POU6F2: variants seen among roughly 807,000 people sequenced by gnomAD.
POU6F2 encodes POU class 6 homeobox 2, also known as POU domain, class 6, transcription factor 2.
A neutral mutation model predicts 71.3 loss-of-function variants in POU6F2; 31 were observed. The observed-to-expected ratio is 0.43, with a 90% CI of 0.33 to 0.59. POU6F2 has a LOEUF of 0.59. Among genes scored for constraint, POU6F2 ranks in the 20% least tolerant of loss-of-function variants. POU6F2 has a pLI of 0.04. For synonymous variants in POU6F2, 347 were observed against 355.7 expected (o/e 0.98, Z 0.27); for missense variants, 783 against 856.8 (o/e 0.91, Z 1.07).
At chr7:39,023,818 C>T (rs1399571068) in intron 1 of POU6F2, among the ~76,000 whole-genome samples, 9 of 152,024 alleles carry the variant, frequency 5.9e-5, no homozygotes, top group Non-Finnish European at 1.0e-4. Context: ...AGTAGGCATT[C>T]TCTGCACTTT....
chr7:39,464,604 CAATTA>C lies in POU6F2; in HGVS notation c.2084_2088del (p.Ile695ThrfsTer40). 6.2e-7 allele frequency: 1 copy of C among 1,610,958 alleles called. No individual in the cohort carries two copies. The highest frequency in any genetic ancestry group is 8.5e-7 in the Non-Finnish European group (1 of 1,178,632). Reference sequence around the variant, plus strand: ...AATAAGAGGCAAGCCCTGAAGAACACAATTAAACGCTTAAAACAGCACGAGCCGGC... The same window carrying C: ...AATAAGAGGCAAGCCCTGAAGAACACAACGCTTAAAACAGCACGAGCCGGC... On this transcript the variant is annotated frameshift_variant, in exon 10 of 10. Transcript: ENST00000518318. LOFTEE classifies it high-confidence loss of function. The surrounding 1 kb of genome is among the most constrained non-coding windows in gnomAD (Gnocchi z 4.1).
intron 1 of POU6F2, among the ~76,000 whole-genome samples, chr7:39,015,158 A>G (rs1789437458): frequency 6.6e-6 from 1 of 150,436 alleles, no homozygotes; most frequent in Non-Finnish European, 1.5e-5. Flanking sequence ...TCTTATTCTT[A>G]GAATTTATTT....
intron 1 of POU6F2, among the ~76,000 whole-genome samples, chr7:39,069,764 ATT>A (rs1483130008): frequency 3.3e-5 from 5 of 152,232 alleles, no homozygotes; most frequent in African/African-American, 1.2e-4. Flanking sequence ...TTTGCTATTT[ATT>A]AAGTACAGGT....
In POU6F2 at chr7:39,418,997, G is replaced by T. The variant is rs200338351; in HGVS notation, c.1113+12257G>T. Reference sequence around the variant, plus strand: ...TATGTATATATATGTGTATATATGTGTATATATGTGTATATATGTATATAT... The same window carrying T: ...TATGTATATATATGTGTATATATGTTTATATATGTGTATATATGTATATAT... On this transcript the variant is annotated intron_variant, in intron 6 of 9. Transcript: ENST00000518318. 2.2e-3 allele frequency among the ~76,000 whole-genome samples: 295 copies of T among 135,592 alleles called. 2 individuals are homozygous for T. Among genetic ancestry groups the T allele is most frequent in the Middle Eastern group, 7.9e-3 (2 of 254 alleles). 89.0% of individuals were successfully genotyped at this position (135,592 alleles called of 152,430 possible). A position where few individuals can be genotyped will look rare whatever the true frequency, so the allele number is the denominator to read the frequency against.
intron 1 of POU6F2, among the ~76,000 whole-genome samples, chr7:39,008,764 AT>A (rs1414510890): frequency 1.3e-5 from 2 of 151,314 alleles, no homozygotes; most frequent in African/African-American, 2.4e-5. Context: ...TCCCAGCACC[AT>A]TTATTAAATA....
At chr7:39,395,632 A>C (rs1165014911) in intron 5 of POU6F2, among the ~76,000 whole-genome samples, 1 of 152,208 alleles carries the variant, frequency 6.6e-6, no homozygotes, top group Non-Finnish European at 1.5e-5. Context: ...GGTTTATTAG[A>C]AAATATCTGA....
At chr7:39,013,277 A>T (rs1456993888) in intron 1 of POU6F2, 1 of 152,652 alleles carries the variant, frequency 6.6e-6, no homozygotes, top group Non-Finnish European at 1.5e-5. Flanking sequence ...TTCGGGTGGG[A>T]GTGACCCGAT....
intron 2 of POU6F2, among the ~76,000 whole-genome samples, chr7:39,167,750 A>G (rs1192963475): frequency 2.0e-5 from 3 of 151,860 alleles, no homozygotes; most frequent in Admixed American, 2.0e-4. Context: ...TGTATAGGCA[A>G]TGTTATATTT....
intron 4 of POU6F2, among the ~76,000 whole-genome samples, chr7:39,227,712 G>T (rs1194216255): frequency 6.6e-6 from 1 of 151,966 alleles, no homozygotes; most frequent in Non-Finnish European, 1.5e-5. Flanking sequence ...CCGCCACCAC[G>T]CTTGGCTAAT....
chr7:39,392,989 A>G (rs1292383014), intron 5 of POU6F2, among the ~76,000 whole-genome samples: 1 of 152,144 alleles, frequency 6.6e-6, no homozygotes, highest in Non-Finnish European at 1.5e-5. Flanking sequence ...ATTCCCACAC[A>G]GCCTTGCTTT....
Position 39,291,476 on chromosome 7 carries a change from A to G in POU6F2, c.599-48166A>G, listed in dbSNP as rs189426181. 3.2e-3 allele frequency among the ~76,000 whole-genome samples: 494 copies of G among 152,354 alleles called. 2 individuals are homozygous for G. Among genetic ancestry groups the G allele is most frequent in the Middle Eastern group, 6.8e-3 (2 of 294 alleles). On this transcript the variant is annotated intron_variant, in intron 4 of 9. Coordinates refer to ENST00000518318, the MANE Select transcript of POU6F2 (RefSeq NM_001370959.1). ...TATGAGATGCAAAGATATTGCCACC[A>G]TCCAATTACACTGGATCACAAGCTT... is the stretch of plus-strand genomic sequence containing the variant.
chr7:39,329,837 A>G (rs1252188872), intron 4 of POU6F2, among the ~76,000 whole-genome samples: 1 of 152,206 alleles, frequency 6.6e-6, no homozygotes, highest in Non-Finnish European at 1.5e-5. Context: ...AGAGAGTCCA[A>G]TTTAGGAGAC....
chr7:39,430,695 T>C (rs1788080154), intron 6 of POU6F2, among the ~76,000 whole-genome samples: 1 of 152,190 alleles, frequency 6.6e-6, no homozygotes, highest in Admixed American at 6.5e-5. Context: ...TCATGTGCTG[T>C]GCTCACCCTG....
chr7:39,002,284 C>A (rs1394528823), intron 1 of POU6F2, among the ~76,000 whole-genome samples: 5 of 152,074 alleles, frequency 3.3e-5, no homozygotes, highest in Non-Finnish European at 2.9e-5. Flanking sequence ...GATTTTGAAA[C>A]CAGTTTGTTA....
At chr7:39,444,606 AAGTAAGAG>A (rs1195682458) in intron 7 of POU6F2, among the ~76,000 whole-genome samples, 3 of 152,222 alleles carry the variant, frequency 2.0e-5, no homozygotes, top group African/African-American at 4.8e-5. Context: ...AACCAGATGA[AAGTAAGAG>A]AGTGATGAGA....
chr7:39,405,042 G>A (rs1368893408), intron 5 of POU6F2: 1 of 152,100 alleles, frequency 6.6e-6, no homozygotes, highest in Admixed American at 6.5e-5. Context: ...TTAGGAGAGA[G>A]ATAAAGGCAA....
At chr7:39,286,293 G>T (rs752055338) in intron 4 of POU6F2, among the ~76,000 whole-genome samples, 1 of 152,182 alleles carries the variant, frequency 6.6e-6, no homozygotes, top group Non-Finnish European at 1.5e-5. Flanking sequence ...TCTGTAGCAG[G>T]ATGGCTGGGG....
chr7:39,226,663 G>A (rs757094033), intron 4 of POU6F2, among the ~76,000 whole-genome samples: 2 of 152,146 alleles, frequency 1.3e-5, no homozygotes, highest in South Asian at 2.1e-4. Context: ...GAACATGTTA[G>A]CAGTATGGTA....
At chr7:39,418,650 A>G (rs1787741067) in intron 6 of POU6F2, among the ~76,000 whole-genome samples, 1 of 151,490 alleles carries the variant, frequency 6.6e-6, no homozygotes, top group Non-Finnish European at 1.5e-5. Context: ...AGATCGCACC[A>G]TTGCACTCCA....
Sources: allele counts gnomAD v4.1 joint callset (sites outside exome capture counted in the v4.1 genomes callset), GRCh38; gene constraint gnomAD v4.1.1; non-coding constraint Gnocchi (gnomAD v3.1); transcripts MANE v1.5; gene names NCBI Gene and HGNC (gene_info 2026-07-23, HGNC 2026-07-21).